Variants in VWA1 observed in about 807,000 individuals in gnomAD.
VWA1 encodes the protein von Willebrand factor A domain-containing protein 1.
VWA1 carries 12 observed loss-of-function variants against 14.9 expected under a neutral mutation model. The ratio of observed to expected loss-of-function variants is 0.80; its 90% CI spans 0.52 to 1.30. VWA1 has a LOEUF of 1.30. Ranked by LOEUF, VWA1 falls within the 50% of genes most tolerant of loss-of-function variation. VWA1 has a pLI of 0.00. For synonymous variants in VWA1, 368 were observed against 310.7 expected (o/e 1.18, Z -1.94); for missense variants, 800 against 649.1 (o/e 1.23, Z -2.53).
At chr1:1,436,182 C>A (rs1393963219) in intron 1 of VWA1, among the ~76,000 whole-genome samples, 1 of 152,320 alleles carries the variant, frequency 6.6e-6, no homozygotes, top group East Asian at 1.9e-4. Flanking sequence ...GTCGCCCCAC[C>A]GCACTGGGGA....
chr1:1,437,178 G>GGTGACACCCACACTGGC lies in VWA1; in HGVS notation c.326_342dup (p.Leu115ValfsTer34). ...GGTGCGTGCTTCTGCCCAGCGCATG[G>GGTGACACCCACACTGGC]GTGACACCCACACTGGCCTGGCGCT... On this transcript the variant is annotated frameshift_variant, in exon 2 of 3. Transcript: ENST00000476993. LOFTEE classifies it high-confidence loss of function. 1 of 1,611,708 alleles carries GGTGACACCCACACTGGC rather than the reference G, an allele frequency of 6.2e-7. No individual in the cohort carries two copies. The highest frequency in any genetic ancestry group is 2.2e-5 in the East Asian group (1 of 44,854).
At position 1,435,699 on chromosome 1, in the gene VWA1, C is replaced by CGAGCGAGG; in HGVS notation, c.-43_-42insGGAGCGAG. 2.6e-6 allele frequency: 3 copies of CGAGCGAGG among 1,158,774 alleles called. No individual in the cohort carries two copies. Among genetic ancestry groups the CGAGCGAGG allele is most frequent in the Non-Finnish European group, 3.2e-6 (3 of 936,674 alleles). 71.8% of individuals were successfully genotyped at this position (1,158,774 alleles called of 1,614,324 possible). A position where few individuals can be genotyped will look rare whatever the true frequency, so the allele number is the denominator to read the frequency against. On this transcript the variant is annotated 5_prime_UTR_variant, in exon 1 of 3. Transcript: ENST00000476993. ...CGGTGACGCGCCCTGCAGCCCCGAG[C>CGAGCGAGG]GAGCGAGCGAGCGAGCGAGTTGCCG...
intron 2 of VWA1, 144 bp from the exon 3 acceptor site, chr1:1,438,937 T>G: frequency 2.3e-6 from 3 of 1,328,140 alleles, no homozygotes; most frequent in Non-Finnish European, 3.0e-6. Flanking sequence ...CTGCGGGGCA[T>G]GGCTCCAGCA....
In VWA1 at chr1:1,436,991, TCA is replaced by T; in HGVS notation, c.140_141del (p.His47LeufsTer48). The stretch of plus-strand genomic sequence containing the variant: ...TGCTGGACAGCTCAGCCAGCGTCTC[TCA>T]CTACGAGTTCTCCCGGGTTCGGGAG... ...FLLDSSASVSHYEFSRVREFV... is the reference protein window; with the variant it reads ...FLLDSSASVSXYEFSRVREFV... On this transcript the variant is annotated frameshift_variant, in exon 2 of 3. Transcript: ENST00000476993. LOFTEE classifies it high-confidence loss of function. 1 of 1,612,606 alleles carries T rather than the reference TCA, an allele frequency of 6.2e-7. No individual in the cohort carries two copies. The highest frequency in any genetic ancestry group is 1.1e-5 in the South Asian group (1 of 91,048).
Position 1,439,496 on chromosome 1 carries a change from CGT to C in VWA1, c.1049_1050del (p.Val350GlufsTer94). The C allele has an allele frequency of 7.1e-7, 1 of 1,414,602 alleles. No homozygotes were observed. Among genetic ancestry groups the C allele is most frequent in the Non-Finnish European group, 9.2e-7 (1 of 1,088,606 alleles). The allele number at this position is 1,414,602 out of a possible 1,614,324, so 87.6% of individuals were successfully genotyped here. On this transcript the variant is annotated frameshift_variant, in exon 3 of 3. Coordinates refer to ENST00000476993, the MANE Select transcript of VWA1 (RefSeq NM_022834.5). LOFTEE classifies it low-confidence loss of function (END_TRUNC). The stretch of plus-strand genomic sequence containing the variant: ...CCCACGCCCGGCCGCGCAGCCTCCG[CGT>C]GAGTTGGGCCCCAGCGCTGGGCTCA... The part of the protein sequence containing the change: ...ISHARPRSLR[V>X]SWAPALGSAA...
rs1553196205 is a variant in VWA1, at chr1:1,435,945, C to CCGGGCGGAGGCG, written c.73+131_73+132insAGGCGCGGGCGG. 1.1e-4 allele frequency: 63 copies of CCGGGCGGAGGCG among 562,938 alleles called. 1 individual carries two copies. In the South Asian group the frequency reaches 5.2e-3, roughly 46 times the overall value. The allele number at this position is 562,938 out of a possible 1,614,324, so 34.9% of individuals were successfully genotyped here. ...CGGGCGGGCTGGGAGGCTGCGGGAG[C>CCGGGCGGAGGCG]CGGGCGGGGGCGCGGGCGGAGCGTC... is the stretch of plus-strand genomic sequence containing the variant. On this transcript the variant is annotated intron_variant, in intron 1 of 2. Coordinates refer to ENST00000476993, the MANE Select transcript of VWA1 (RefSeq NM_022834.5).
In VWA1 at chr1:1,442,568, G is replaced by C. The variant is rs371328806; in HGVS notation, c.*2781G>C. 4 of 152,300 alleles carry C rather than the reference G, an allele frequency of 2.6e-5. No homozygotes were observed. The East Asian group carries it at 5.8e-4, about 22-fold the overall frequency. The allele number at this position is 152,300 out of a possible 1,614,324, so 9.4% of individuals were successfully genotyped here. Reference sequence around the variant, plus strand: ...AACCTGAGGATTTCACGCTGGCTGCGTGCCAGACCAGTCCCTGACAGGTTG... The same window carrying C: ...AACCTGAGGATTTCACGCTGGCTGCCTGCCAGACCAGTCCCTGACAGGTTG... On this transcript the variant is annotated 3_prime_UTR_variant, in exon 3 of 3. Transcript: ENST00000476993.
Position 1,437,107 on chromosome 1 carries a change from A to T in VWA1, c.254A>T (p.Glu85Val). The change falls in exon 2 of 3, where the codon GAG becomes GTG. Residue 85 changes from glutamate to valine, a missense_variant. Coordinates refer to ENST00000476993, the MANE Select transcript of VWA1 (RefSeq NM_022834.5). Reference protein sequence around the residue: ...LVHVGSRPYTEFPFGQHSSGE... With the variant: ...LVHVGSRPYTVFPFGQHSSGE... ...CACGTGGGCAGTCGGCCATACACCG[A>T]GTTCCCCTTCGGCCAGCACAGCTCG... The T allele has an allele frequency of 6.2e-7, 1 of 1,605,524 alleles. No homozygotes were observed. Among genetic ancestry groups the T allele is most frequent in the South Asian group, 1.1e-5 (1 of 90,600 alleles).
chr1:1,437,822 G>A (rs1207016530), intron 2 of VWA1, among the ~76,000 whole-genome samples: 1 of 152,200 alleles, frequency 6.6e-6, no homozygotes, highest in Non-Finnish European at 1.5e-5. Flanking sequence ...CTCTGCAGAT[G>A]GGCAGCATGT....
chr1:1,438,600 G>C (rs1638593143), intron 2 of VWA1, among the ~76,000 whole-genome samples: 1 of 152,216 alleles, frequency 6.6e-6, no homozygotes, highest in Non-Finnish European at 1.5e-5. Flanking sequence ...CACTCTCCTG[G>C]GGACCCAGGG....
In VWA1 at chr1:1,439,293, G is replaced by T. The variant is rs768324714; in HGVS notation, c.844G>T (p.Ala282Ser). The T allele has an allele frequency of 8.8e-5, 140 of 1,599,884 alleles. No individual in the cohort carries two copies. Among genetic ancestry groups the T allele is most frequent in the Non-Finnish European group, 1.2e-4 (138 of 1,176,650 alleles). Residue 282 changes from alanine (A) to serine (S), a missense_variant, in exon 3 of 3, where the codon GCG becomes TCG. Physicochemically the swap from Ala to Ser is moderately conservative, Grantham distance 99. Transcript: ENST00000476993. The part of the protein sequence containing the change: ...GLDPDTDYDV[A>S]LVPESNVRLL... ...CGACCCGGACACGGACTACGACGTG[G>T]CGCTAGTGCCTGAGTCCAACGTGCG...
At chr1:1,436,799 C>T (rs1286931614) in intron 1 of VWA1, 128 bp from the exon 2 acceptor site, 2 of 977,114 alleles carry the variant, frequency 2.0e-6, no homozygotes, top group Non-Finnish European at 3.0e-6. Context: ...CTCTTTCCCC[C>T]AACCTAGGAC....
chr1:1,439,566 G>T lies in VWA1; in HGVS notation c.1117G>T (p.Gly373Cys). ...CCACGTGCAGTTCGGGCCGCTGCGG[G>T]GCGGGGAGGCGCAGCGGGTGGAGGT... is the stretch of plus-strand genomic sequence containing the variant. ...GYHVQFGPLRGGEAQRVEVPA... is the reference protein window; with the variant it reads ...GYHVQFGPLRCGEAQRVEVPA... The change falls in exon 3 of 3, where the codon GGC becomes TGC. Residue 373 changes from glycine to cysteine, a missense_variant. Coordinates refer to ENST00000476993, the MANE Select transcript of VWA1 (RefSeq NM_022834.5). 1.5e-6 allele frequency: 2 copies of T among 1,306,344 alleles called. No homozygotes were observed. Among genetic ancestry groups the T allele is most frequent in the Non-Finnish European group, 1.9e-6 (2 of 1,030,138 alleles). 80.9% of individuals were successfully genotyped at this position (1,306,344 alleles called of 1,614,324 possible). A position where few individuals can be genotyped will look rare whatever the true frequency, so the allele number is the denominator to read the frequency against.
Position 1,439,751 on chromosome 1 carries a change from C to T in VWA1, c.1302C>T (p.Arg434=). The change falls in exon 3 of 3, where the codon CGC becomes CGT. Residue 434 remains arginine (R), a synonymous_variant. Coordinates refer to ENST00000476993, the MANE Select transcript of VWA1 (RefSeq NM_022834.5). ...GCCCGCGCCCACGCCCCGTGCCCCG[C>T]GCCCCGACCCCGGGGACCGCCAGCC... ...GPRPRPRPVP[R]APTPGTASRE... The T allele has an allele frequency of 9.2e-7, 1 of 1,090,610 alleles. No individual in the cohort carries two copies. Among genetic ancestry groups the T allele is most frequent in the Non-Finnish European group, 1.1e-6 (1 of 898,858 alleles). The allele number at this position is 1,090,610 out of a possible 1,614,324, so 67.6% of individuals were successfully genotyped here.
chr1:1,439,914 G>C lies in VWA1; in HGVS notation c.*127G>C. 1.0e-6 allele frequency: 1 copy of C among 999,784 alleles called. No individual in the cohort carries two copies. The allele number at this position is 999,784 out of a possible 1,614,324, so 61.9% of individuals were successfully genotyped here. ...CGGCCTTTCCCCACGCGGACTCCGC[G>C]CGACCCCGGCCCTCTCCCTGCGGCC... On this transcript the variant is annotated 3_prime_UTR_variant, in exon 3 of 3. Coordinates refer to ENST00000476993, the MANE Select transcript of VWA1 (RefSeq NM_022834.5).
intron 2 of VWA1, among the ~76,000 whole-genome samples, chr1:1,438,259 G>A (rs572207456): frequency 6.6e-4 from 100 of 152,316 alleles, no homozygotes; most frequent in Non-Finnish European, 1.1e-3. Context: ...CCCCAGGGAC[G>A]TCTGGCCCCT....
chr1:1,439,665 G>T lies in VWA1; in HGVS notation c.1216G>T (p.Ala406Ser). 7.6e-7 allele frequency: 1 copy of T among 1,315,512 alleles called. No individual in the cohort carries two copies. The highest frequency in any genetic ancestry group is 9.8e-7 in the Non-Finnish European group (1 of 1,024,270). The allele number at this position is 1,315,512 out of a possible 1,614,324, so 81.5% of individuals were successfully genotyped here. Residue 406 changes from alanine (A) to serine (S), a missense_variant, in exon 3 of 3, where the codon GCC becomes TCC. Physicochemically the swap from Ala to Ser is moderately conservative, Grantham distance 99. Transcript: ENST00000476993. Reference sequence around the variant, plus strand: ...CGCCTACCTGGTGACCGTGACCGCCGCCTTCCGCTCGGGCCGCGAGAGCGC... The same window carrying T: ...CGCCTACCTGGTGACCGTGACCGCCTCCTTCCGCTCGGGCCGCGAGAGCGC... Reference protein sequence around the residue: ...GTAYLVTVTAAFRSGRESALS... With the variant: ...GTAYLVTVTASFRSGRESALS...
Position 1,436,970 on chromosome 1 carries a change from G to C in VWA1, c.117G>C (p.Leu39=), listed in dbSNP as rs1322559097. 2 of 1,612,390 alleles carry C rather than the reference G, an allele frequency of 1.2e-6. No individual in the cohort carries two copies. Among genetic ancestry groups the C allele is most frequent in the South Asian group, 1.1e-5 (1 of 91,016 alleles). ...CCCGAGGGGACCTGATGTTCCTGCT[G>C]GACAGCTCAGCCAGCGTCTCTCACT... The part of the protein sequence containing the change: ...SAPRGDLMFL[L]DSSASVSHYE... Residue 39 remains leucine, a synonymous_variant, in exon 2 of 3, where the codon CTG becomes CTC. Transcript: ENST00000476993.
intron 1 of VWA1, 56 bp from the exon 2 acceptor site, chr1:1,436,871 T>A (rs1638554890): frequency 1.3e-6 from 2 of 1,515,944 alleles, no homozygotes; most frequent in Non-Finnish European, 1.8e-6. Flanking sequence ...CCTGCCTTGC[T>A]GTGGGGCTGT....
Sources: gnomAD v4.1 joint callset for allele counts (sites outside exome capture counted in the v4.1 genomes callset) on GRCh38, gnomAD v4.1.1 for gene constraint, MANE v1.5 for transcripts, NCBI Gene and HGNC (gene_info 2026-07-23, HGNC 2026-07-21) for gene names.